Variants in CCNH observed in about 807,000 individuals in gnomAD.
The protein encoded by CCNH is cyclin-H.
CCNH carries 31 observed loss-of-function variants against 41.9 expected under a neutral mutation model. The observed-to-expected ratio is 0.74, with a 90% confidence interval of 0.56 to 1.00. The LOEUF (loss-of-function observed/expected upper bound fraction) is 1.00, where lower values mean the gene tolerates loss of function less well. CCNH is among the 50% of genes least tolerant of loss of function. The probability of loss-of-function intolerance (pLI) is 0.00; values close to 1 mark genes in which losing one functional copy is unlikely to be tolerated. For missense variants in CCNH, 362 were observed against 388.4 expected, an observed-to-expected ratio of 0.93 and a Z score of 0.57; for synonymous variants, 138 against 136.1, an observed-to-expected ratio of 1.01 and a Z score of -0.10.
downstream of CCNH, among the ~76,000 whole-genome samples, chr5:87,387,367 G>A (rs1409426681): frequency 2.0e-5 from 3 of 152,148 alleles, no homozygotes; most frequent in East Asian, 1.9e-4. Flanking sequence ...CATTCAGTGT[G>A]AATATCTGTG....
downstream of CCNH, chr5:87,393,951 A>ATAAT (rs757004443): frequency 2.6e-5 from 4 of 152,286 alleles, no homozygotes; most frequent in African/African-American, 4.8e-5. Context: ...CTAAAGAAAA[A>ATAAT]TAATATTCAT....
intron 9 of CCNH, among the ~76,000 whole-genome samples, chr5:87,360,080 G>T (rs1759958129): frequency 6.6e-6 from 1 of 150,846 alleles, no homozygotes; most frequent in African/African-American, 2.4e-5. Flanking sequence ...CATCACTACT[G>T]GAATCTAGCT....
intron 9 of CCNH, chr5:87,366,427 T>C (rs966143111): frequency 1.9e-4 from 72 of 373,246 alleles, no homozygotes; most frequent in South Asian, 7.8e-4. Context: ...AGAGAAAGAA[T>C]TGCCAGAGTA....
chr5:87,396,393 G>A (rs1216793431), intron 7 of CCNH, among the ~76,000 whole-genome samples: 4 of 152,124 alleles, frequency 2.6e-5, no homozygotes, highest in East Asian at 1.9e-4. Flanking sequence ...AGGCTGAGGC[G>A]GGCGGATCAC....
chr5:87,359,383 C>T (rs758182588), intron 9 of CCNH, among the ~76,000 whole-genome samples: 1 of 152,104 alleles, frequency 6.6e-6, no homozygotes, highest in Non-Finnish European at 1.5e-5. Flanking sequence ...AAGCCTTTCT[C>T]CTCTCATTGA....
At chr5:87,396,630 A>G (rs946678607) in intron 7 of CCNH, among the ~76,000 whole-genome samples, 2 of 151,870 alleles carry the variant, frequency 1.3e-5, no homozygotes, top group African/African-American at 4.9e-5. Flanking sequence ...AAAAACAAAC[A>G]AACAAACAAA....
downstream of CCNH, chr5:87,386,874 C>A: frequency 6.2e-7 from 1 of 1,612,548 alleles, no homozygotes; most frequent in Non-Finnish European, 8.5e-7. Flanking sequence ...CAACAAACAT[C>A]GTATGATCAT....
At chr5:87,315,296 C>T (rs1353362714), downstream of CCNH, among the ~76,000 whole-genome samples, 1 of 152,114 alleles carries the variant, frequency 6.6e-6, no homozygotes, top group East Asian at 1.9e-4. Flanking sequence ...CTAGCAAGGG[C>T]CTTCTAGCTA....
chr5:87,380,541 A>T, upstream of CCNH: 2 of 1,613,432 alleles, frequency 1.2e-6, no homozygotes, highest in Non-Finnish European at 1.7e-6. Context: ...TGTTTACAGA[A>T]ATCTGTTCAG....
intron 8 of CCNH, 155 bp downstream of exon 8, chr5:87,394,889 T>C (rs1762800078): frequency 8.4e-6 from 12 of 1,428,744 alleles, no homozygotes; most frequent in South Asian, 1.7e-5. Context: ...CCTTTAATAA[T>C]GGACAACAGT....
At chr5:87,379,629 T>C, upstream of CCNH, 1 of 1,450,118 alleles carries the variant, frequency 6.9e-7, no homozygotes, top group South Asian at 1.3e-5. Flanking sequence ...CACACAGAGA[T>C]ACCGAAAAAT....
At chr5:87,382,628 C>G (rs1761798344) in intron 9 of CCNH, among the ~76,000 whole-genome samples, 1 of 152,136 alleles carries the variant, frequency 6.6e-6, no homozygotes, top group Non-Finnish European at 1.5e-5. Flanking sequence ...CTAAAGGAGG[C>G]AGAATAGGAG....
At chr5:87,348,853 C>T (rs563956779) in intron 9 of CCNH, among the ~76,000 whole-genome samples, 16 of 151,872 alleles carry the variant, frequency 1.1e-4, no homozygotes, top group Non-Finnish European at 1.6e-4. Flanking sequence ...CTTCTTATTA[C>T]GAAGATTTAC....
chr5:87,350,987 T>G (rs1159328140), intron 9 of CCNH, among the ~76,000 whole-genome samples: 1 of 151,718 alleles, frequency 6.6e-6, no homozygotes, highest in Admixed American at 6.6e-5. Flanking sequence ...GATAAATCTT[T>G]GTGCTTATTG....
intron 9 of CCNH, chr5:87,349,126 C>T: frequency 1.4e-6 from 2 of 1,452,646 alleles, no homozygotes; most frequent in Non-Finnish European, 1.9e-6. Context: ...ATGTTTATGA[C>T]TTTGAATGCA....
At chr5:87,375,024 A>AG (rs1761226830), downstream of CCNH, 9 of 1,371,544 alleles carry the variant, frequency 6.6e-6, no homozygotes, top group Admixed American at 2.4e-5. Context: ...AAATGCAAGT[A>AG]GTATAATTTG....
At position 87,327,174 on chromosome 5, in the gene CCNH, A is replaced by G. The variant is rs114566505; in HGVS notation, c.*91-8277T>C. Reference sequence around the variant, plus strand: ...GCTCATTTAATAATAATATTAAGCCAACATTCTCTGAGGTAGACACTATTA... The same window carrying G: ...GCTCATTTAATAATAATATTAAGCCGACATTCTCTGAGGTAGACACTATTA... On this transcript the variant is annotated intron_variant and NMD_transcript_variant, in intron 9 of 9. Transcript: ENST00000645953. Among the ~76,000 whole-genome samples, 1,415 of 152,328 alleles carry G rather than the reference A, an allele frequency of 9.3e-3. 10 individuals carry two copies. The highest frequency in any genetic ancestry group is 0.022 in the South Asian group (108 of 4,828).
At chr5:87,314,277 A>G (rs551144784), downstream of CCNH, among the ~76,000 whole-genome samples, 1 of 152,392 alleles carries the variant, frequency 6.6e-6, no homozygotes, top group East Asian at 1.9e-4. Context: ...CATAAAGATT[A>G]CTGAATGCTG....
At chr5:87,331,305 A>G in intron 9 of CCNH, 5 of 1,544,132 alleles carry the variant, frequency 3.2e-6, no homozygotes, top group Non-Finnish European at 4.5e-6. Flanking sequence ...GAAATTCTGC[A>G]CTTGCTATTT....
Sources: allele counts gnomAD v4.1 joint callset (sites outside exome capture counted in the v4.1 genomes callset), GRCh38; gene constraint gnomAD v4.1.1; transcripts MANE v1.5; gene names NCBI Gene and HGNC (gene_info 2026-07-23, HGNC 2026-07-21).